The following FAM13C variants were observed in gnomAD, a reference collection of about 807,000 sequenced individuals.
The protein encoded by FAM13C is family with sequence similarity 13 member C.
In FAM13C, 37 loss-of-function variants were observed where a neutral mutation model predicts 73.2. That is an observed-to-expected ratio of 0.51 (90% CI 0.39 to 0.67). The LOEUF (loss-of-function observed/expected upper bound fraction) is 0.67. FAM13C is among the 30% of genes least tolerant of loss of function. The pLI, the probability that FAM13C is intolerant of heterozygous loss-of-function variation, is 0.00. For synonymous variants in FAM13C, 246 were observed against 260.9 expected, an observed-to-expected ratio of 0.94 and a Z score of 0.55; for missense variants, 589 against 715.6, an observed-to-expected ratio of 0.82 and a Z score of 2.02.
chr10:59,321,888 A>G (rs1307459676), intron 4 of FAM13C, among the ~76,000 whole-genome samples: 2 of 152,020 alleles, frequency 1.3e-5, no homozygotes, highest in Non-Finnish European at 2.9e-5. Context: ...TCCTTTTCTT[A>G]CAGTGTTCAT....
At chr10:59,361,990 A>T (rs1045381792) in intron 1 of FAM13C, among the ~76,000 whole-genome samples, 3 of 152,226 alleles carry the variant, frequency 2.0e-5, no homozygotes, top group African/African-American at 7.2e-5. Flanking sequence ...TGTTTACCAC[A>T]TGCTGGAATT....
chr10:59,249,726 CTGTT>C (rs148429451), intron 13 of FAM13C, among the ~76,000 whole-genome samples: 15,502 of 152,208 alleles, frequency 0.1, 920 homozygotes, highest in South Asian at 0.2. Flanking sequence ...AGCCATTCAA[CTGTT>C]TGATTTTAGT....
intron 4 of FAM13C, among the ~76,000 whole-genome samples, chr10:59,312,858 G>C (rs1849090359): frequency 6.6e-6 from 1 of 152,120 alleles, no homozygotes; most frequent in Non-Finnish European, 1.5e-5. Context: ...GCCACACCAA[G>C]CCTTTCTGAC....
intron 10 of FAM13C, among the ~76,000 whole-genome samples, chr10:59,256,163 T>A (rs1841928829): frequency 6.6e-6 from 1 of 152,136 alleles, no homozygotes; most frequent in African/African-American, 2.4e-5. Context: ...CAAGTTCCTA[T>A]CAAAATCTAT....
rs72808574 is a variant in FAM13C, at chr10:59,333,130, C to A, written c.325-9024G>T. On this transcript the variant is annotated intron_variant, in intron 3 of 13. Coordinates refer to ENST00000618804, the MANE Select transcript of FAM13C (RefSeq NM_198215.4). The stretch of plus-strand genomic sequence containing the variant: ...AGCCGGGACTACAGGCATACGTTAC[C>A]ATGCCAGGCTTAATTTCTGTGATTT... Among the ~76,000 whole-genome samples, 1,102 of 152,186 alleles carry A rather than the reference C, an allele frequency of 7.2e-3. 6 individuals carry two copies. Among genetic ancestry groups the A allele is most frequent in the Non-Finnish European group, 0.012 (824 of 67,994 alleles).
intron 1 of FAM13C, among the ~76,000 whole-genome samples, chr10:59,356,738 G>A (rs1855753991): frequency 6.6e-6 from 1 of 152,162 alleles, no homozygotes; most frequent in Non-Finnish European, 1.5e-5. Context: ...TTGATTGAAA[G>A]ATGCCAAGTG....
chr10:59,316,706 A>T (rs143031776), intron 4 of FAM13C, among the ~76,000 whole-genome samples: 12 of 152,206 alleles, frequency 7.9e-5, no homozygotes, highest in Non-Finnish European at 1.5e-4. Flanking sequence ...ATCTAAACAT[A>T]CAAAGGTACA....
intron 5 of FAM13C, among the ~76,000 whole-genome samples, chr10:59,298,406 A>T (rs1450886632): frequency 6.6e-6 from 1 of 152,240 alleles, no homozygotes; most frequent in Non-Finnish European, 1.5e-5. Context: ...GAATACCTTC[A>T]AAGTATCTAT....
At chr10:59,308,870 T>G (rs1848599429) in intron 4 of FAM13C, among the ~76,000 whole-genome samples, 1 of 152,192 alleles carries the variant, frequency 6.6e-6, no homozygotes, top group South Asian at 2.1e-4. Context: ...TAGGGTCATC[T>G]TCTAGTGGCC....
rs753741976 is a variant in FAM13C at position 59,262,570 on chromosome 10, G to A, written c.1100C>T (p.Pro367Leu). The A allele has an allele frequency of 1.2e-6, 2 of 1,613,712 alleles. No homozygotes were observed. The highest frequency in any genetic ancestry group is 2.7e-5 in the African/African-American group (2 of 74,988). Residue 367 changes from proline to leucine, a missense_variant, in exon 10 of 14, where the codon CCC becomes CTC. Coordinates refer to ENST00000618804, the MANE Select transcript of FAM13C (RefSeq NM_198215.4). ...TTTCCCATTTTCTCTGGGGACTGTG[G>A]GTTGCTCACACAACAGGTTTCTAGG... is the stretch of plus-strand genomic sequence containing the variant. ...GPPRNLLCEQPTVPRENGKPE... is the reference protein window; with the variant it reads ...GPPRNLLCEQLTVPRENGKPE...
intron 5 of FAM13C, among the ~76,000 whole-genome samples, chr10:59,291,635 A>G (rs937090404): frequency 2.1e-5 from 3 of 144,418 alleles, no homozygotes; most frequent in African/African-American, 7.6e-5. Flanking sequence ...AATAAAACCC[A>G]CATTTCCTTT....
Position 59,362,535 on chromosome 10 carries a change from G to C in FAM13C, c.-75C>G. ...AGAGCACATACACAAACATGGCATT[G>C]CAAGGCAAGTCTCCGGGCTCGCCCG... On this transcript the variant is annotated 5_prime_UTR_variant, in exon 1 of 14. Coordinates refer to ENST00000618804, the MANE Select transcript of FAM13C (RefSeq NM_198215.4). 2 of 1,580,716 alleles carry C rather than the reference G, an allele frequency of 1.3e-6. No homozygotes were observed. Among genetic ancestry groups the C allele is most frequent in the Non-Finnish European group, 1.7e-6 (2 of 1,162,316 alleles).
At chr10:59,295,225 T>C (rs1032169009) in intron 5 of FAM13C, among the ~76,000 whole-genome samples, 2 of 152,222 alleles carry the variant, frequency 1.3e-5, no homozygotes, top group Non-Finnish European at 2.9e-5. Context: ...GATTTGCAAA[T>C]GTAATTAAAG....
chr10:59,319,892 T>C lies in FAM13C; in HGVS notation c.443+4096A>G, dbSNP rs12355241. Among the ~76,000 whole-genome samples, 1,288 of 152,276 alleles carry C rather than the reference T, an allele frequency of 8.5e-3. 7 individuals carry two copies. The highest frequency in any genetic ancestry group is 0.015 in the Non-Finnish European group (1,023 of 68,020). Reference sequence around the variant, plus strand: ...TCCACTCATGCAATGGAAGTCCATATTAAAATGAAAACATGTCATCTGGGG... The same window carrying C: ...TCCACTCATGCAATGGAAGTCCATACTAAAATGAAAACATGTCATCTGGGG... On this transcript the variant is annotated intron_variant, in intron 4 of 13. Coordinates refer to ENST00000618804, the MANE Select transcript of FAM13C (RefSeq NM_198215.4).
rs1199885510 is a variant in FAM13C at position 59,323,960 on chromosome 10, G to A, written c.443+28C>T. The A allele has an allele frequency of 1.1e-5, 18 of 1,576,464 alleles. No homozygotes were observed. In the Admixed American group the frequency reaches 1.2e-4, roughly 10 times the overall value. Reference sequence around the variant, plus strand: ...TTCTGAGAAAGGAACCACAAGCACAGAATAGCTTCTGATAACAAAGGGCCC... The same window carrying A: ...TTCTGAGAAAGGAACCACAAGCACAAAATAGCTTCTGATAACAAAGGGCCC... On this transcript the variant is annotated intron_variant, in intron 4 of 13. Coordinates refer to ENST00000618804, the MANE Select transcript of FAM13C (RefSeq NM_198215.4).
intron 3 of FAM13C, among the ~76,000 whole-genome samples, chr10:59,342,669 A>G (rs945156903): frequency 1.2e-4 from 18 of 152,230 alleles, no homozygotes; most frequent in African/African-American, 4.3e-4. Context: ...TTTATCTGGC[A>G]ACTACATCTC....
intron 3 of FAM13C, among the ~76,000 whole-genome samples, chr10:59,328,520 C>A (rs931161254): frequency 6.7e-6 from 1 of 148,396 alleles, no homozygotes; most frequent in Non-Finnish European, 1.5e-5. Flanking sequence ...AACAATATTC[C>A]ATTCTAATCC....
chr10:59,342,559 A>C (rs980725562), intron 3 of FAM13C, among the ~76,000 whole-genome samples: 1 of 152,178 alleles, frequency 6.6e-6, no homozygotes, highest in Non-Finnish European at 1.5e-5. Context: ...TTAGTAAGTA[A>C]TTTACGTAAG....
chr10:59,298,111 G>A (rs1417720572), intron 5 of FAM13C, among the ~76,000 whole-genome samples: 4 of 152,198 alleles, frequency 2.6e-5, no homozygotes, highest in Non-Finnish European at 5.9e-5. Context: ...ATTAACCCAT[G>A]AGAAGATTGT....
Sources: allele counts gnomAD v4.1 joint callset (sites outside exome capture counted in the v4.1 genomes callset), GRCh38; gene constraint gnomAD v4.1.1; transcripts MANE v1.5; gene names NCBI Gene and HGNC (gene_info 2026-07-23, HGNC 2026-07-21).